Variants in AGBL1 observed in about 807,000 individuals in gnomAD.
The protein encoded by AGBL1 is cytosolic carboxypeptidase 4.
A neutral mutation model predicts 118.9 loss-of-function variants in AGBL1; 130 were observed. The ratio of observed to expected loss-of-function variants is 1.09; its 90% CI spans 0.95 to 1.26. The LOEUF is 1.26. AGBL1 is among the 50% of genes most tolerant of loss of function. The pLI, the probability that AGBL1 is intolerant of heterozygous loss-of-function variation, is 0.00. For synonymous variants in AGBL1, 555 were observed against 478.9 expected, an observed-to-expected ratio of 1.16 and a Z score of -2.08; for missense variants, 1,584 against 1,298.1, an observed-to-expected ratio of 1.22 and a Z score of -3.38.
At chr15:86,172,891 T>C (rs2077434543) in intron 5 of AGBL1, among the ~76,000 whole-genome samples, 1 of 152,172 alleles carries the variant, frequency 6.6e-6, no homozygotes. Context: ...GATTGCATGA[T>C]AGTCCTATTT....
At chr15:86,528,536 C>A (rs1460011500) in intron 19 of AGBL1, among the ~76,000 whole-genome samples, 1 of 149,008 alleles carries the variant, frequency 6.7e-6, no homozygotes, top group African/African-American at 2.5e-5. Flanking sequence ...GGGGGAGGGG[C>A]GCCGGCCATT....
chr15:86,571,086 C>A (rs997676301), intron 21 of AGBL1, among the ~76,000 whole-genome samples: 1 of 152,158 alleles, frequency 6.6e-6, no homozygotes. Flanking sequence ...GGACCGGCTA[C>A]ACCACAAGCA....
chr15:86,479,498 A>G (rs977646594), intron 18 of AGBL1, among the ~76,000 whole-genome samples: 17 of 152,242 alleles, frequency 1.1e-4, no homozygotes, highest in African/African-American at 4.1e-4. Flanking sequence ...ATCACTGGCC[A>G]TCAGAAAAAT....
chr15:86,621,058 G>T (rs8041881), intron 21 of AGBL1, among the ~76,000 whole-genome samples: 63,544 of 152,006 alleles, frequency 0.42, 14,000 homozygotes, highest in East Asian at 0.61. Context: ...TTTGGAGTCA[G>T]CTAAGAGTTT....
At chr15:86,667,037 C>A (rs1262424010) in intron 21 of AGBL1, among the ~76,000 whole-genome samples, 1 of 152,174 alleles carries the variant, frequency 6.6e-6, no homozygotes, top group Non-Finnish European at 1.5e-5. Flanking sequence ...ATATTTTCTT[C>A]TGTTCTCTGC....
intron 22 of AGBL1, among the ~76,000 whole-genome samples, chr15:86,737,342 C>G (rs1413421953): frequency 6.6e-6 from 1 of 152,108 alleles, no homozygotes; most frequent in Non-Finnish European, 1.5e-5. Flanking sequence ...AGGTGATATT[C>G]CTTGTTCAAT....
intron 22 of AGBL1, among the ~76,000 whole-genome samples, chr15:86,873,252 G>T (rs1035280388): frequency 6.6e-6 from 1 of 151,984 alleles, no homozygotes; most frequent in Admixed American, 6.6e-5. Context: ...AGGCATGTTG[G>T]TTTTTCCTAT....
intron 23 of AGBL1, among the ~76,000 whole-genome samples, chr15:86,974,045 A>G (rs1312943847): frequency 7.1e-5 from 9 of 126,460 alleles, no homozygotes; most frequent in Non-Finnish European, 9.6e-5. Flanking sequence ...TATTTAATAT[A>G]TTAAATATAA....
intron 17 of AGBL1, among the ~76,000 whole-genome samples, chr15:86,376,680 AC>A (rs1219158460): frequency 6.6e-6 from 1 of 152,156 alleles, no homozygotes; most frequent in Non-Finnish European, 1.5e-5. Flanking sequence ...CTGGGCTAAT[AC>A]CTTTAGTCTC....
chr15:86,364,056 G>C (rs2080843526), intron 17 of AGBL1, among the ~76,000 whole-genome samples: 1 of 151,972 alleles, frequency 6.6e-6, no homozygotes, highest in African/African-American at 2.4e-5. Context: ...TCTCTCCTCT[G>C]ACCCCTTCTT....
chr15:86,490,471 G>A (rs1403040666), intron 18 of AGBL1, among the ~76,000 whole-genome samples: 1 of 152,088 alleles, frequency 6.6e-6, no homozygotes, highest in African/African-American at 2.4e-5. Context: ...GAGGTCATGA[G>A]ATATCTGGTT....
chr15:86,890,852 G>T (rs2080042667), intron 22 of AGBL1, among the ~76,000 whole-genome samples: 1 of 152,064 alleles, frequency 6.6e-6, no homozygotes, highest in African/African-American at 2.4e-5. Flanking sequence ...TTTTTGCTTA[G>T]GATTATCTTT....
chr15:86,174,001 G>C (rs368907466), intron 5 of AGBL1, among the ~76,000 whole-genome samples: 1 of 151,996 alleles, frequency 6.6e-6, no homozygotes, highest in Non-Finnish European at 1.5e-5. Context: ...ATTTTGATGG[G>C]GGTTGCATTG....
chr15:86,742,550 A>T (rs1219030473), intron 22 of AGBL1, among the ~76,000 whole-genome samples: 1 of 151,956 alleles, frequency 6.6e-6, no homozygotes, highest in African/African-American at 2.4e-5. Flanking sequence ...AGAAGCACCT[A>T]CCCTCATCTT....
intron 1 of AGBL1, 76 bp downstream of exon 1, chr15:86,080,099 A>G: frequency 1.8e-6 from 2 of 1,137,808 alleles, no homozygotes; most frequent in Non-Finnish European, 1.1e-6. Context: ...GGAGCTATGC[A>G]CACAGTCCCC....
intron 5 of AGBL1, among the ~76,000 whole-genome samples, chr15:86,199,317 T>C (rs887674217): frequency 1.6e-4 from 25 of 152,202 alleles, no homozygotes; most frequent in Admixed American, 1.2e-3. Context: ...TCTCATATTA[T>C]ATATATATCT....
Position 86,910,191 on chromosome 15 carries a change from T to A in AGBL1, c.*2897T>A, listed in dbSNP as rs2080331601. ...AAGAAGGTCATAATTTGGGTGATTC[T>A]TGAAGAATATGCAGGAGTTTTCAAG... On this transcript the variant is annotated 3_prime_UTR_variant, in exon 23 of 23. Coordinates refer to ENST00000614907, the MANE Select transcript of AGBL1 (RefSeq NM_001386094.1). 6.6e-6 allele frequency: 1 copy of A among 152,248 alleles called. No individual in the cohort carries two copies. The highest frequency in any genetic ancestry group is 6.5e-5 in the Admixed American group (1 of 15,286). The allele number at this position is 152,248 out of a possible 1,614,324, so 9.4% of individuals were successfully genotyped here.
At chr15:86,866,589 C>A (rs979631580) in intron 22 of AGBL1, among the ~76,000 whole-genome samples, 4 of 152,216 alleles carry the variant, frequency 2.6e-5, no homozygotes, top group African/African-American at 9.6e-5. Flanking sequence ...TGTGGTGGCT[C>A]AAGCCTGTAA....
intron 17 of AGBL1, among the ~76,000 whole-genome samples, chr15:86,356,335 C>CCT (rs2080718124): frequency 6.7e-6 from 1 of 150,042 alleles, no homozygotes; most frequent in Non-Finnish European, 1.5e-5. Context: ...CGAAGATAGA[C>CCT]GTGTGTGTGT....
Sources: allele counts gnomAD v4.1 joint callset (sites outside exome capture counted in the v4.1 genomes callset), GRCh38; gene constraint gnomAD v4.1.1; transcripts MANE v1.5; gene names NCBI Gene and HGNC (gene_info 2026-07-23, HGNC 2026-07-21).